Variants in DMGDH observed in about 807,000 individuals in gnomAD.
DMGDH encodes the protein dimethylglycine dehydrogenase, also known as dimethylglycine dehydrogenase, mitochondrial.
A neutral mutation model predicts 95.2 loss-of-function variants in DMGDH; 76 were observed. The observed-to-expected ratio is 0.80, with a 90% CI of 0.66 to 0.97. The LOEUF (loss-of-function observed/expected upper bound fraction) is 0.97, where lower values mean the gene tolerates loss of function less well. Ranked by LOEUF, DMGDH falls within the 50% of genes least tolerant of loss-of-function variation. The pLI is 0.00. For synonymous variants in DMGDH, 345 were observed against 377.6 expected (o/e 0.91, Z 1.00); for missense variants, 987 against 1,055.0 (o/e 0.94, Z 0.89).
At chr5:79,060,949 T>C (rs1755188935) in intron 2 of DMGDH, among the ~76,000 whole-genome samples, 1 of 147,534 alleles carries the variant, frequency 6.8e-6, no homozygotes, top group Non-Finnish European at 1.5e-5. Flanking sequence ...CGGCCAGGCT[T>C]AGTGGCTCAA....
chr5:79,025,619 A>G (rs1753978383), intron 13 of DMGDH, among the ~76,000 whole-genome samples: 2 of 152,368 alleles, frequency 1.3e-5, no homozygotes, highest in South Asian at 4.1e-4. Context: ...GGGTTAAGCC[A>G]GATAGCTGGT....
rs963618247 is a variant in DMGDH, at chr5:79,051,869, G to C, written c.541-378C>G. Among the ~76,000 whole-genome samples the C allele has an allele frequency of 4.6e-5, 7 of 152,130 alleles. No individual in the cohort carries two copies. In the South Asian group the frequency reaches 6.2e-4, roughly 14 times the overall value. ...TTCAATCATTCAACAATTAATTCTT[G>C]CATATCTACTTTGTTTTAGGCCTTC... On this transcript the variant is annotated intron_variant, in intron 4 of 15. Coordinates refer to ENST00000255189, the MANE Select transcript of DMGDH (RefSeq NM_013391.3).
chr5:79,065,977 A>G (rs1053609362), intron 1 of DMGDH, among the ~76,000 whole-genome samples: 1 of 152,226 alleles, frequency 6.6e-6, no homozygotes, highest in Non-Finnish European at 1.5e-5. Flanking sequence ...TACACATTTT[A>G]GAGTAAATTG....
At chr5:79,059,469 T>C (rs1041480044) in intron 2 of DMGDH, among the ~76,000 whole-genome samples, 4 of 152,242 alleles carry the variant, frequency 2.6e-5, no homozygotes, top group African/African-American at 7.2e-5. Flanking sequence ...ACATTTCATG[T>C]TCTTGTGTCT....
chr5:79,032,966 T>A, intron 8 of DMGDH, 126 bp from the exon 9 acceptor site: 1 of 1,156,498 alleles, frequency 8.6e-7, no homozygotes, highest in East Asian at 2.4e-5. Flanking sequence ...CATACATATA[T>A]ATGAATGATT....
intron 7 of DMGDH, 31 bp from the exon 8 acceptor site, chr5:79,033,439 C>G: frequency 6.2e-7 from 1 of 1,612,386 alleles, no homozygotes; most frequent in Non-Finnish European, 8.5e-7. Flanking sequence ...AAACCCATTA[C>G]TAACACATGT....
chr5:79,051,621 G>A, intron 4 of DMGDH, 130 bp from the exon 5 acceptor site: 1 of 843,248 alleles, frequency 1.2e-6, no homozygotes, highest in South Asian at 1.6e-5. Context: ...AAGTGACTGG[G>A]TCCCTGAAGA....
Position 79,042,441 on chromosome 5 carries a change from G to A in DMGDH, c.1035C>T (p.Ile345=). The change falls in exon 7 of 16, where the codon ATC becomes ATT. Residue 345 remains isoleucine, a synonymous_variant. Coordinates refer to ENST00000255189, the MANE Select transcript of DMGDH (RefSeq NM_013391.3). ...CCATGGCAGCTTTGATGTGTTCCAT[G>A]ATTCGATCTAGATCAGACTCAAAGA... ...KELFESDLDR[I]MEHIKAAMEM... 6.2e-7 allele frequency: 1 copy of A among 1,614,150 alleles called. No homozygotes were observed. The highest frequency in any genetic ancestry group is 8.5e-7 in the Non-Finnish European group (1 of 1,180,016).
chr5:79,007,194 C>A (rs1452392379), intron 14 of DMGDH, among the ~76,000 whole-genome samples: 1 of 152,192 alleles, frequency 6.6e-6, no homozygotes, highest in Non-Finnish European at 1.5e-5. Flanking sequence ...TTCATGATAA[C>A]AAGTCATAAC....
At chr5:79,023,195 C>T (rs1475547081) in intron 14 of DMGDH, among the ~76,000 whole-genome samples, 3 of 152,156 alleles carry the variant, frequency 2.0e-5, no homozygotes, top group Non-Finnish European at 4.4e-5. Flanking sequence ...GAGTCATATA[C>T]ATGTATTCAC....
At chr5:79,047,133 T>A (rs1754700820) in intron 5 of DMGDH, among the ~76,000 whole-genome samples, 1 of 152,188 alleles carries the variant, frequency 6.6e-6, no homozygotes, top group Non-Finnish European at 1.5e-5. Context: ...AACTCCTGCC[T>A]GATCACCCAC....
intron 11 of DMGDH, 77 bp downstream of exon 11, chr5:79,029,827 G>T: frequency 6.9e-7 from 1 of 1,455,870 alleles, no homozygotes. Context: ...TTCGAGTACT[G>T]GTAAAAAGAA....
At chr5:79,004,474 T>C (rs1368191501) in intron 15 of DMGDH, among the ~76,000 whole-genome samples, 2 of 152,168 alleles carry the variant, frequency 1.3e-5, no homozygotes, top group East Asian at 3.8e-4. Context: ...ACCCTGTTCA[T>C]TGTGGAACAG....
chr5:79,056,723 T>G (rs1381562011), intron 2 of DMGDH, among the ~76,000 whole-genome samples: 1 of 151,182 alleles, frequency 6.6e-6, no homozygotes, highest in East Asian at 2.0e-4. Flanking sequence ...GGCATGGTGG[T>G]GCAAGCCTGC....
rs183655445 is a variant in DMGDH, at chr5:79,054,740, C to T, written c.376-392G>A. Among the ~76,000 whole-genome samples the T allele has an allele frequency of 3.1e-3, 475 of 152,294 alleles. 5 individuals carry two copies. The highest frequency in any genetic ancestry group is 0.024 in the Middle Eastern group (7 of 294). ...AAAGACAAAAAATTTAAGGAGAGAT[C>T]ATGTAGAATCAAAATGTTGCAATGC... On this transcript the variant is annotated intron_variant, in intron 3 of 15. Transcript: ENST00000255189.
intron 14 of DMGDH, among the ~76,000 whole-genome samples, chr5:79,014,554 C>G (rs1279849689): frequency 2.0e-5 from 3 of 151,812 alleles, no homozygotes; most frequent in Non-Finnish European, 4.4e-5. Flanking sequence ...AGAAATGAGG[C>G]CTCAATAGGG....
At chr5:79,000,322 T>C (rs1184416759) in intron 15 of DMGDH, 7 of 672,004 alleles carry the variant, frequency 1.0e-5, no homozygotes, top group Non-Finnish European at 2.0e-5. Context: ...TTCCCCATCA[T>C]CCTCACAATC....
At chr5:79,058,529 A>G (rs1349880328) in intron 2 of DMGDH, among the ~76,000 whole-genome samples, 1 of 152,190 alleles carries the variant, frequency 6.6e-6, no homozygotes, top group African/African-American at 2.4e-5. Flanking sequence ...TCAAGGGTAA[A>G]TGATTGAGTC....
chr5:79,022,658 T>C (rs1010873461), intron 14 of DMGDH, among the ~76,000 whole-genome samples: 2 of 152,204 alleles, frequency 1.3e-5, no homozygotes, highest in African/African-American at 2.4e-5. Context: ...ACTAACTACG[T>C]TCTGAGATGA....
Sources: allele counts gnomAD v4.1 joint callset (sites outside exome capture counted in the v4.1 genomes callset), GRCh38; gene constraint gnomAD v4.1.1; transcripts MANE v1.5; gene names NCBI Gene and HGNC (gene_info 2026-07-23, HGNC 2026-07-21).